The following MINPP1 variants were observed in gnomAD, a reference collection of about 807,000 sequenced individuals.
The protein encoded by MINPP1 is multiple inositol-polyphosphate phosphatase 1.
MINPP1 carries 28 observed loss-of-function variants against 46.1 expected under a neutral mutation model. The ratio of observed to expected loss-of-function variants is 0.61; its 90% CI spans 0.45 to 0.83. MINPP1 has a LOEUF of 0.83. MINPP1 is among the 40% of genes least tolerant of loss of function. The pLI is 0.00. For synonymous variants in MINPP1, 268 were observed against 249.1 expected (o/e 1.08, Z -0.72); for missense variants, 603 against 610.0 (o/e 0.99, Z 0.12).
chr10:87,517,129 G>A (rs1851422622), intron 3 of MINPP1, among the ~76,000 whole-genome samples: 1 of 151,948 alleles, frequency 6.6e-6, no homozygotes, highest in South Asian at 2.1e-4. Context: ...ATTAATAACT[G>A]GGTAATGAAG....
rs201618662 is a variant in MINPP1, at chr10:87,508,459, C to A, written c.761C>A (p.Thr254Asn). Residue 254 changes from threonine to asparagine, a missense_variant, in exon 2 of 5, where the codon ACT becomes AAT. Coordinates refer to ENST00000371996, the MANE Select transcript of MINPP1 (RefSeq NM_004897.5). ...TALYHVEAFK[T>N]GPEMQNILKK... ...CTTTATCACGTGGAAGCCTTCAAAACTGGACCAGAAATGCAGAACATTTTA... is the reference window on the plus strand; with the variant it reads ...CTTTATCACGTGGAAGCCTTCAAAAATGGACCAGAAATGCAGAACATTTTA... 1.7e-5 allele frequency: 27 copies of A among 1,613,836 alleles called. 1 individual carries two copies. In the South Asian group the frequency reaches 2.7e-4, roughly 16 times the overall value.
intron 4 of MINPP1, among the ~76,000 whole-genome samples, chr10:87,549,563 A>C (rs1033253842): frequency 3.3e-5 from 5 of 152,232 alleles, no homozygotes; most frequent in Admixed American, 3.3e-4. Context: ...CTTGGTAGAA[A>C]AAAGAATGTA....
intron 3 of MINPP1, 117 bp downstream of exon 3, chr10:87,513,338 C>G: frequency 1.4e-6 from 1 of 720,120 alleles, no homozygotes; most frequent in Non-Finnish European, 2.5e-6. Context: ...GGAACATAAA[C>G]TGTTTTGTGA....
chr10:87,517,973 T>G (rs1851437390), intron 3 of MINPP1, among the ~76,000 whole-genome samples: 1 of 151,276 alleles, frequency 6.6e-6, no homozygotes, highest in Non-Finnish European at 1.5e-5. Context: ...TTTTTTTTTT[T>G]TTTTGAGACA....
chr10:87,508,373 A>G lies in MINPP1; in HGVS notation c.675A>G (p.Leu225=), dbSNP rs1307707052. Residue 225 remains leucine (L), a synonymous_variant, in exon 2 of 5, where the codon CTA becomes CTG. Transcript: ENST00000371996. ...EFGPPTVNDK[L]MRFFDHCEKF... ...GACCTCCAACAGTTAATGATAAACT[A>G]ATGAGATTTTTTGATCACTGTGAGA... The G allele has an allele frequency of 1.2e-6, 2 of 1,613,150 alleles. No homozygotes were observed. Among genetic ancestry groups the G allele is most frequent in the Non-Finnish European group, 1.7e-6 (2 of 1,179,722 alleles).
At chr10:87,527,724 A>T (rs546175925) in intron 4 of MINPP1, among the ~76,000 whole-genome samples, 1 of 152,166 alleles carries the variant, frequency 6.6e-6, no homozygotes, top group Non-Finnish European at 1.5e-5. Context: ...GGCCTCATAA[A>T]ATGAGTTAGG....
intron 1 of MINPP1, among the ~76,000 whole-genome samples, chr10:87,507,610 G>T (rs537185580): frequency 2.8e-4 from 42 of 152,192 alleles, no homozygotes; most frequent in African/African-American, 9.6e-4. Flanking sequence ...TTGGAGAAAT[G>T]ATTGAAAAAT....
chr10:87,522,950 C>T (rs762043542), intron 4 of MINPP1, among the ~76,000 whole-genome samples: 3 of 152,200 alleles, frequency 2.0e-5, no homozygotes, highest in Non-Finnish European at 4.4e-5. Context: ...CAACAATATT[C>T]ATAGTATCTT....
In MINPP1 at chr10:87,552,316, G is replaced by T; in HGVS notation, c.1302G>T (p.Val434=). 6.2e-7 allele frequency: 1 copy of T among 1,613,798 alleles called. No homozygotes were observed. Among genetic ancestry groups the T allele is most frequent in the East Asian group, 2.2e-5 (1 of 44,862 alleles). ...NAKTPKEQFR[V]QMLLNEKVLP... ...AGACTCCTAAAGAACAATTCCGAGTGCAGATGTTATTAAATGAAAAGGTGT... is the reference window on the plus strand; with the variant it reads ...AGACTCCTAAAGAACAATTCCGAGTTCAGATGTTATTAAATGAAAAGGTGT... The change falls in exon 5 of 5, where the codon GTG becomes GTT. Residue 434 remains valine (V), a synonymous_variant. Transcript: ENST00000371996.
chr10:87,507,812 C>T lies in MINPP1; in HGVS notation c.638-524C>T, dbSNP rs1298909870. 10 of 1,021,092 alleles carry T rather than the reference C, an allele frequency of 9.8e-6. No individual in the cohort carries two copies. In the African/African-American group the frequency reaches 1.7e-4, roughly 18 times the overall value. 63.3% of individuals were successfully genotyped at this position (1,021,092 alleles called of 1,614,324 possible). A position where few individuals can be genotyped will look rare whatever the true frequency, so the allele number is the denominator to read the frequency against. ...TTCACAGGCCCAGCACAGTGAAGCA[C>T]AGGAGACCCAAAACATCAGTGCGTT... On this transcript the variant is annotated intron_variant, in intron 1 of 4. Transcript: ENST00000371996.
In MINPP1 at chr10:87,552,410, CT is replaced by C. The variant is rs763163347; in HGVS notation, c.1398del (p.Gln467ArgfsTer11). On this transcript the variant is annotated frameshift_variant, in exon 5 of 5. Coordinates refer to ENST00000371996, the MANE Select transcript of MINPP1 (RefSeq NM_004897.5). LOFTEE classifies it high-confidence loss of function. ...EDLKNHYKDI[L>X]QSCQTSEECE... ...TCTGAAGAACCACTACAAGGACATC[CT>C]TCAGAGTTGTCAAACCAGTGAAGAA... 6.2e-7 allele frequency: 1 copy of C among 1,613,246 alleles called. No individual in the cohort carries two copies.
intron 3 of MINPP1, among the ~76,000 whole-genome samples, chr10:87,518,028 C>T (rs560090597): frequency 3.4e-5 from 5 of 147,346 alleles, no homozygotes; most frequent in African/African-American, 7.5e-5. Context: ...GGCGTGATCT[C>T]GGCTCACTGC....
chr10:87,518,774 T>G (rs1165556538), intron 3 of MINPP1, among the ~76,000 whole-genome samples: 1 of 152,210 alleles, frequency 6.6e-6, no homozygotes, highest in Non-Finnish European at 1.5e-5. Flanking sequence ...GAAACACTTT[T>G]GCTGGTTTAT....
At chr10:87,537,365 G>C (rs531082833) in intron 4 of MINPP1, among the ~76,000 whole-genome samples, 2 of 152,268 alleles carry the variant, frequency 1.3e-5, no homozygotes, top group East Asian at 3.9e-4. Context: ...TGGGTGTGTA[G>C]TAGTACTTTG....
intron 2 of MINPP1, among the ~76,000 whole-genome samples, chr10:87,510,776 A>C (rs1851323431): frequency 6.6e-6 from 1 of 152,212 alleles, no homozygotes; most frequent in Admixed American, 6.5e-5. Flanking sequence ...GTCTCCAAAT[A>C]AATAAATAGA....
chr10:87,507,946 A>G, intron 1 of MINPP1: 1 of 1,313,926 alleles, frequency 7.6e-7, no homozygotes. Flanking sequence ...TTTGGCTTAG[A>G]GTGAAAAAAT....
chr10:87,513,590 A>G (rs923145215), intron 3 of MINPP1, among the ~76,000 whole-genome samples: 3 of 152,182 alleles, frequency 2.0e-5, no homozygotes, highest in African/African-American at 7.2e-5. Flanking sequence ...GAGAGAATAA[A>G]TGGGTTTCCA....
intron 4 of MINPP1, among the ~76,000 whole-genome samples, chr10:87,546,854 C>T (rs951212703): frequency 2.0e-5 from 3 of 152,088 alleles, no homozygotes; most frequent in African/African-American, 7.2e-5. Context: ...TGCTTGAGCC[C>T]AGGAGGTCGA....
chr10:87,505,025 A>T lies in MINPP1; in HGVS notation c.110A>T (p.Asp37Val). The T allele has an allele frequency of 2.5e-6, 4 of 1,612,974 alleles. No individual in the cohort carries two copies. Among genetic ancestry groups the T allele is most frequent in the Non-Finnish European group, 3.4e-6 (4 of 1,179,856 alleles). The change falls in exon 1 of 5, where the codon GAC (aspartate) becomes GTC (valine). Residue 37 changes from aspartate to valine, a missense_variant. Asp to Val is a radical substitution (Grantham distance 152, BLOSUM62 -3). Transcript: ENST00000371996. This position sits in a 1 kb window ranked among gnomAD's most constrained non-coding sequence, Gnocchi z 4.4. ...CGCTGCTCTCTTCTAGAGCCGAGGG[A>T]CCCGGTGGCCTCGTCGCTCAGCCCC... Reference protein sequence around the residue: ...LARCSLLEPRDPVASSLSPYF... With the variant: ...LARCSLLEPRVPVASSLSPYF...
Sources: gnomAD v4.1 joint callset for allele counts (sites outside exome capture counted in the v4.1 genomes callset) on GRCh38, gnomAD v4.1.1 for gene constraint, Gnocchi (gnomAD v3.1) non-coding constraint, MANE v1.5 for transcripts, NCBI Gene and HGNC (gene_info 2026-07-23, HGNC 2026-07-21) for gene names.